Variants in SAMD12 observed in about 807,000 individuals in gnomAD.
The protein encoded by SAMD12 is sterile alpha motif domain-containing protein 12.
SAMD12 carries 9 observed loss-of-function variants against 15.0 expected under a neutral mutation model. That is an observed-to-expected ratio of 0.60 (90% confidence interval 0.36 to 1.05). The LOEUF (loss-of-function observed/expected upper bound fraction) is 1.05, where lower values mean the gene tolerates loss of function less well. SAMD12 is among the 50% of genes least tolerant of loss of function. The probability of loss-of-function intolerance (pLI) is 0.01; values close to 1 mark genes in which losing one functional copy is unlikely to be tolerated. For missense variants in SAMD12, 230 were observed against 234.2 expected, an observed-to-expected ratio of 0.98 and a Z score of 0.12; for synonymous variants, 86 against 90.1, an observed-to-expected ratio of 0.96 and a Z score of 0.25.
intron 2 of SAMD12, among the ~76,000 whole-genome samples, chr8:118,440,324 A>G (rs545530243): frequency 6.6e-6 from 1 of 152,176 alleles, no homozygotes; most frequent in South Asian, 2.1e-4. Context: ...GTATTCCAAG[A>G]AAGTATTTAT....
intron 2 of SAMD12, among the ~76,000 whole-genome samples, chr8:118,566,433 G>A (rs1160770146): frequency 6.6e-6 from 1 of 151,928 alleles, no homozygotes; most frequent in South Asian, 2.1e-4. Flanking sequence ...TTTGAGATAC[G>A]GTTACCCAAA....
chr8:118,145,998 C>T, the SAMD12 span, among the ~76,000 whole-genome samples: 1 of 152,154 alleles, frequency 6.6e-6, no homozygotes, highest in Non-Finnish European at 1.5e-5. Flanking sequence ...GCGATGCAAC[C>T]CCATGGCTGC....
intron 4 of SAMD12, among the ~76,000 whole-genome samples, chr8:118,233,084 A>G (rs2129931375): frequency 6.6e-6 from 1 of 152,228 alleles, no homozygotes; most frequent in South Asian, 2.1e-4. Context: ...TTCCATTTCC[A>G]GAGAATAATA....
intron 4 of SAMD12, among the ~76,000 whole-genome samples, chr8:118,281,958 T>C (rs1813669083): frequency 6.6e-6 from 1 of 152,330 alleles, no homozygotes; most frequent in South Asian, 2.1e-4. Flanking sequence ...GGCTGCATCC[T>C]TCAGGTGCTT....
intron 4 of SAMD12, among the ~76,000 whole-genome samples, chr8:118,330,921 C>T (rs1221231751): frequency 6.6e-6 from 1 of 151,986 alleles, no homozygotes; most frequent in African/African-American, 2.4e-5. Flanking sequence ...CCACACAACA[C>T]ATGTGTGTAA....
At chr8:118,180,402 C>T in the SAMD12 span, among the ~76,000 whole-genome samples, 479 of 152,208 alleles carry the variant, frequency 3.1e-3, 2 homozygotes, top group African/African-American at 9.3e-3. Context: ...GTACACACCA[C>T]GACCCTTCCC....
the SAMD12 span, among the ~76,000 whole-genome samples, chr8:118,149,760 T>C: frequency 3.7e-3 from 569 of 152,280 alleles, 2 homozygotes; most frequent in Non-Finnish European, 6.0e-3. Context: ...TAATGTGAGA[T>C]ATGAAGTTTT....
chr8:118,471,285 G>C (rs1360791202), intron 2 of SAMD12, among the ~76,000 whole-genome samples: 1 of 151,972 alleles, frequency 6.6e-6, no homozygotes, highest in Non-Finnish European at 1.5e-5. Context: ...GCATCATTTG[G>C]ACCTTAATTT....
intron 4 of SAMD12, among the ~76,000 whole-genome samples, chr8:118,275,687 T>C (rs1240803658): frequency 2.0e-5 from 3 of 152,296 alleles, no homozygotes; most frequent in African/African-American, 7.2e-5. Context: ...CAACAGTTAA[T>C]TTTTCAGTCT....
intron 2 of SAMD12, among the ~76,000 whole-genome samples, chr8:118,444,881 GTTGT>G (rs1563864137): frequency 6.6e-6 from 1 of 152,060 alleles, no homozygotes; most frequent in Non-Finnish European, 1.5e-5. Context: ...GATCCCAATG[GTTGT>G]ACAAACTCTT....
intron 3 of SAMD12, among the ~76,000 whole-genome samples, chr8:118,393,755 C>T (rs1267419963): frequency 1.3e-5 from 2 of 152,176 alleles, no homozygotes; most frequent in East Asian, 3.9e-4. Flanking sequence ...CCCATTATCA[C>T]ACCCAGCTAA....
chr8:118,237,220 A>G (rs182104399), intron 4 of SAMD12, among the ~76,000 whole-genome samples: 2 of 152,172 alleles, frequency 1.3e-5, no homozygotes, highest in African/African-American at 4.8e-5. Flanking sequence ...GTAACCTTGG[A>G]TAAATTACTC....
chr8:118,307,649 T>C (rs905147727), intron 4 of SAMD12, among the ~76,000 whole-genome samples: 1 of 152,254 alleles, frequency 6.6e-6, no homozygotes, highest in Non-Finnish European at 1.5e-5. Context: ...GTGAGCAACC[T>C]GAGGCTCAGA....
Position 118,439,815 on chromosome 8 carries a change from G to A in SAMD12, c.322+17C>T. On this transcript the variant is annotated intron_variant, in intron 3 of 3. Transcript: ENST00000314727. The stretch of plus-strand genomic sequence containing the variant: ...GAAAGAAAAGGAGTGAAATATCTGG[G>A]ATACTGCATACTTTACCAGTTATGT... 6.2e-7 allele frequency: 1 copy of A among 1,610,240 alleles called. No homozygotes were observed. Among genetic ancestry groups the A allele is most frequent in the Non-Finnish European group, 8.5e-7 (1 of 1,176,762 alleles).
rs934470788 is a variant in SAMD12 at position 118,257,798 on chromosome 8, T to C, written c.434-60066A>G. ...CAATAGGGACTGTCAAGACCAGTCA[T>C]GACCTTGAAAAAATGCAGCAAATCA... On this transcript the variant is annotated intron_variant, in intron 4 of 4. Transcript: ENST00000409003. Among the ~76,000 whole-genome samples, 7 of 152,128 alleles carry C rather than the reference T, an allele frequency of 4.6e-5. No homozygotes were observed. The South Asian group carries it at 8.3e-4, about 18-fold the overall frequency.
intron 3 of SAMD12, among the ~76,000 whole-genome samples, chr8:118,402,972 G>T (rs920215822): frequency 2.0e-5 from 3 of 152,308 alleles, no homozygotes; most frequent in African/African-American, 7.2e-5. Flanking sequence ...AATACATAGT[G>T]AAGTTGGGTA....
intron 2 of SAMD12, among the ~76,000 whole-genome samples, chr8:118,557,742 C>A (rs1406902854): frequency 1.3e-5 from 2 of 152,138 alleles, no homozygotes; most frequent in Non-Finnish European, 2.9e-5. Flanking sequence ...ACACAAGGAC[C>A]TTTGTAAAGC....
the SAMD12 span, among the ~76,000 whole-genome samples, chr8:118,150,894 AT>A: frequency 5.3e-4 from 80 of 152,036 alleles, no homozygotes; most frequent in African/African-American, 1.8e-3. Context: ...TTTGAAAGGT[AT>A]TTTTTTGGAG....
chr8:118,618,788 G>C (rs921437098), intron 1 of SAMD12, among the ~76,000 whole-genome samples: 1 of 148,460 alleles, frequency 6.7e-6, no homozygotes, highest in African/African-American at 2.5e-5. Context: ...GCAGTGAGCC[G>C]AGATCGCGCC....
Sources: allele counts gnomAD v4.1 joint callset (sites outside exome capture counted in the v4.1 genomes callset), GRCh38; gene constraint gnomAD v4.1.1; transcripts MANE v1.5; gene names NCBI Gene and HGNC (gene_info 2026-07-23, HGNC 2026-07-21).